The following OR10C1 variants were observed in gnomAD, a reference collection of about 807,000 sequenced individuals.
OR10C1 encodes the protein olfactory receptor 10C1.
For synonymous variants in OR10C1, 183 were observed against 174.4 expected, an observed-to-expected ratio of 1.05 and a Z score of -0.39; for missense variants, 388 against 392.1, an observed-to-expected ratio of 0.99 and a Z score of 0.09.
At position 29,440,484 on chromosome 6, in the gene OR10C1, G is replaced by A. The variant is rs1340773971; in HGVS notation, c.469G>A (p.Gly157Ser). ...GGCCTGTGGGGTGCTGGTGGGGCTGGGCCACACCCCTTTCATCTTCTCTTT... is the reference window on the plus strand; with the variant it reads ...GGCCTGTGGGGTGCTGGTGGGGCTGAGCCACACCCCTTTCATCTTCTCTTT... ...AWACGVLVGL[G>S]HTPFIFSLPF... Residue 157 changes from glycine to serine, a missense_variant, in exon 1 of 1, where the codon GGC (glycine) becomes AGC (serine). Coordinates refer to ENST00000444197, the MANE Select transcript of OR10C1 (RefSeq NM_013941.4). The A allele has an allele frequency of 6.2e-7, 1 of 1,613,434 alleles. No individual in the cohort carries two copies. The highest frequency in any genetic ancestry group is 1.7e-5 in the Admixed American group (1 of 60,034).
Position 29,440,641 on chromosome 6 carries a change from C to G in OR10C1, c.626C>G (p.Pro209Arg), listed in dbSNP as rs1452519669. 1.2e-6 allele frequency: 2 copies of G among 1,614,024 alleles called. No homozygotes were observed. The highest frequency in any genetic ancestry group is 8.5e-7 in the Non-Finnish European group (1 of 1,180,028). Residue 209 changes from proline (P) to arginine (R), a missense_variant, in exon 1 of 1, where the codon CCC becomes CGC. By Grantham distance (103) the Pro-to-Arg change is moderately radical. Coordinates refer to ENST00000444197, the MANE Select transcript of OR10C1 (RefSeq NM_013941.4). The part of the protein sequence containing the change: ...ILATALLILC[P>R]FGLILGSYGR... The stretch of plus-strand genomic sequence containing the variant: ...GCAACAGCCCTCCTCATCCTCTGCC[C>G]CTTTGGCCTCATCCTGGGCTCCTAC...
Position 29,440,061 on chromosome 6 carries a change from T to C in OR10C1, c.46T>C (p.Phe16Leu), listed in dbSNP as rs1389995389. The C allele has an allele frequency of 6.2e-7, 1 of 1,613,090 alleles. No individual in the cohort carries two copies. The change falls in exon 1 of 1, where the codon TTC becomes CTC. Residue 16 changes from phenylalanine (F) to leucine (L), a missense_variant. Transcript: ENST00000444197. ...GGTGACTGAGTTTCTTCTTCTCGGC[T>C]TCTCCCACCTGGCCGACCTCCAGGG... Reference protein sequence around the residue: ...SMVTEFLLLGFSHLADLQGLL... With the variant: ...SMVTEFLLLGLSHLADLQGLL...
rs1194141731 is a variant in OR10C1 at position 29,439,704 on chromosome 6, C to T, written c.-312C>T. 2 of 403,008 alleles carry T rather than the reference C, an allele frequency of 5.0e-6. No individual in the cohort carries two copies. Among genetic ancestry groups the T allele is most frequent in the Non-Finnish European group, 8.8e-6 (2 of 227,470 alleles). 25.0% of individuals were successfully genotyped at this position (403,008 alleles called of 1,614,324 possible). ...AAGGGAGCTAGACTGACTTAATCTT[C>T]AGCCCAGGTAAAACTGGAAAGACAG... On this transcript the variant is annotated 5_prime_UTR_variant, in exon 1 of 1. Transcript: ENST00000444197.
chr6:29,440,940 C>T lies in OR10C1; in HGVS notation c.925C>T (p.Pro309Ser). ...AAAGAGAACCATCCAGAAAACGGTG[C>T]CTATGGAGATTTGAAAAGGGGGCGA... ...ALKRTIQKTV[P>S]MEI is the part of the protein sequence containing the mutation. The change falls in exon 1 of 1, where the codon CCT becomes TCT. Residue 309 changes from proline (P) to serine (S), a missense_variant. Physicochemically the swap from Pro to Ser is moderately conservative, Grantham distance 74. Transcript: ENST00000444197. The T allele has an allele frequency of 1.2e-6, 2 of 1,607,730 alleles. No individual in the cohort carries two copies. Among genetic ancestry groups the T allele is most frequent in the East Asian group, 2.2e-5 (1 of 44,840 alleles).
chr6:29,440,717 C>T lies in OR10C1; in HGVS notation c.702C>T (p.Arg234=), dbSNP rs762597996. ...GGATCCCATCTGTTGCGGGCCGCCGCAAGGCCTTCTCCACCTGCTCCTCCC... is the reference window on the plus strand; with the variant it reads ...GGATCCCATCTGTTGCGGGCCGCCGTAAGGCCTTCTCCACCTGCTCCTCCC... ...IFRIPSVAGR[R]KAFSTCSSHL... is the part of the protein sequence containing the mutation. The change falls in exon 1 of 1, where the codon CGC becomes CGT. Residue 234 remains arginine, a synonymous_variant. Transcript: ENST00000444197. 6.2e-7 allele frequency: 1 copy of T among 1,614,118 alleles called. No homozygotes were observed. Among genetic ancestry groups the T allele is most frequent in the Non-Finnish European group, 8.5e-7 (1 of 1,179,960 alleles).
At position 29,440,414 on chromosome 6, in the gene OR10C1, G is replaced by A; in HGVS notation, c.399G>A (p.Leu133=). 4 of 1,614,078 alleles carry A rather than the reference G, an allele frequency of 2.5e-6. No homozygotes were observed. The highest frequency in any genetic ancestry group is 3.4e-6 in the Non-Finnish European group (4 of 1,180,018). The part of the protein sequence containing the change: ...AAICEPLRYP[L]LLSHRVCLQL... ...TCTGTGAACCCCTCCGCTACCCACT[G>A]CTGCTGAGCCACCGGGTGTGTCTAC... The change falls in exon 1 of 1, where the codon CTG becomes CTA. Residue 133 remains leucine (L), a synonymous_variant. Transcript: ENST00000444197.
rs553886447 is a variant in OR10C1, at chr6:29,440,648, C to T, written c.633C>T (p.Gly211=). The T allele has an allele frequency of 2.2e-5, 35 of 1,614,052 alleles. No homozygotes were observed. Among genetic ancestry groups the T allele is most frequent in the Admixed American group, 6.7e-5 (4 of 60,012 alleles). Reference sequence around the variant, plus strand: ...CCCTCCTCATCCTCTGCCCCTTTGGCCTCATCCTGGGCTCCTACGGGCGTA... The same window carrying T: ...CCCTCCTCATCCTCTGCCCCTTTGGTCTCATCCTGGGCTCCTACGGGCGTA... ...ATALLILCPF[G]LILGSYGRIL... is the part of the protein sequence containing the mutation. Residue 211 remains glycine, a synonymous_variant, in exon 1 of 1, where the codon GGC becomes GGT. Transcript: ENST00000444197.
At position 29,439,587 on chromosome 6, in the gene OR10C1, AG is replaced by A. The variant is rs1210271384; in HGVS notation, c.-427del. ...TAAGAGAGGTCACCTCTTATCAGAC[AG>A]GAGACAAGTTGATGGAGAAAAAGAT... On this transcript the variant is annotated 5_prime_UTR_variant, in exon 1 of 1. Transcript: ENST00000444197. 1 of 171,862 alleles carries A rather than the reference AG, an allele frequency of 5.8e-6. No individual in the cohort carries two copies. Among genetic ancestry groups the A allele is most frequent in the Non-Finnish European group, 1.2e-5 (1 of 81,580 alleles). 10.6% of individuals were successfully genotyped at this position (171,862 alleles called of 1,614,324 possible).
rs1783942405 is a variant in OR10C1, at chr6:29,439,724, A to G, written c.-292A>G. The stretch of plus-strand genomic sequence containing the variant: ...ATCTTCAGCCCAGGTAAAACTGGAA[A>G]GACAGTTTAACATGTTCTTTAGAAT... On this transcript the variant is annotated 5_prime_UTR_variant, in exon 1 of 1. Coordinates refer to ENST00000444197, the MANE Select transcript of OR10C1 (RefSeq NM_013941.4). 2.2e-6 allele frequency: 1 copy of G among 444,922 alleles called. No individual in the cohort carries two copies. Among genetic ancestry groups the G allele is most frequent in the Non-Finnish European group, 3.9e-6 (1 of 253,524 alleles). The allele number at this position is 444,922 out of a possible 1,614,324, so 27.6% of individuals were successfully genotyped here.
Position 29,440,971 on chromosome 6 carries a change from A to G in OR10C1, c.*17A>G. 3.3e-6 allele frequency: 5 copies of G among 1,523,272 alleles called. 1 individual carries two copies. The highest frequency in any genetic ancestry group is 4.5e-6 in the Non-Finnish European group (5 of 1,108,778). 94.4% of individuals were successfully genotyped at this position (1,523,272 alleles called of 1,614,324 possible). On this transcript the variant is annotated 3_prime_UTR_variant, in exon 1 of 1. Transcript: ENST00000444197. The stretch of plus-strand genomic sequence containing the variant: ...GAGATTTGAAAAGGGGGCGATAGTG[A>G]CTTCTGTGCAGTGCTCTGAGTCAGT...
At position 29,440,961 on chromosome 6, in the gene OR10C1, G is replaced by A. The variant is rs1784133966; in HGVS notation, c.*7G>A. 3.8e-6 allele frequency: 6 copies of A among 1,577,888 alleles called. No individual in the cohort carries two copies. The highest frequency in any genetic ancestry group is 5.2e-6 in the Non-Finnish European group (6 of 1,155,150). On this transcript the variant is annotated 3_prime_UTR_variant, in exon 1 of 1. Coordinates refer to ENST00000444197, the MANE Select transcript of OR10C1 (RefSeq NM_013941.4). ...GGTGCCTATGGAGATTTGAAAAGGGGGCGATAGTGACTTCTGTGCAGTGCT... is the reference window on the plus strand; with the variant it reads ...GGTGCCTATGGAGATTTGAAAAGGGAGCGATAGTGACTTCTGTGCAGTGCT...
In OR10C1 at chr6:29,439,315, G is replaced by A. The variant is rs554750060; in HGVS notation, c.-701G>A. ...GAAAGTCTGTAAGATGCAGAAATAA[G>A]CAATTAAGGAAGTTCTTGTCATCTT... On this transcript the variant is annotated 5_prime_UTR_variant, in exon 1 of 1. Coordinates refer to ENST00000444197, the MANE Select transcript of OR10C1 (RefSeq NM_013941.4). 1.3e-5 allele frequency: 2 copies of A among 152,320 alleles called. No individual in the cohort carries two copies. Among genetic ancestry groups the A allele is most frequent in the South Asian group, 4.1e-4 (2 of 4,834 alleles). 9.4% of individuals were successfully genotyped at this position (152,320 alleles called of 1,614,324 possible). A position where few individuals can be genotyped will look rare whatever the true frequency, so the allele number is the denominator to read the frequency against.
In OR10C1 at chr6:29,440,119, T is replaced by C. The variant is rs1180505864; in HGVS notation, c.104T>C (p.Leu35Pro). 1.2e-6 allele frequency: 2 copies of C among 1,613,406 alleles called. No individual in the cohort carries two copies. Among genetic ancestry groups the C allele is most frequent in the South Asian group, 2.2e-5 (2 of 91,082 alleles). ...LLFSVFLTIY[L>P]LTVAGNFLIV... is the part of the protein sequence containing the mutation. ...TTCTCTGTCTTTCTCACTATCTACC[T>C]GCTGACCGTGGCAGGCAATTTCCTC... The change falls in exon 1 of 1, where the codon CTG becomes CCG. Residue 35 changes from leucine (L) to proline (P), a missense_variant. Coordinates refer to ENST00000444197, the MANE Select transcript of OR10C1 (RefSeq NM_013941.4).
In OR10C1 at chr6:29,439,980, T is replaced by C; in HGVS notation, c.-36T>C. 6.4e-7 allele frequency: 1 copy of C among 1,552,696 alleles called. No individual in the cohort carries two copies. Among genetic ancestry groups the C allele is most frequent in the Non-Finnish European group, 8.8e-7 (1 of 1,134,678 alleles). ...CCATAGTTGTGATTTTTCCTTGCCA[T>C]TTCTTTTGTCTTCCAGTCAAAGGTA... is the stretch of plus-strand genomic sequence containing the variant. On this transcript the variant is annotated 5_prime_UTR_variant, in exon 1 of 1. Coordinates refer to ENST00000444197, the MANE Select transcript of OR10C1 (RefSeq NM_013941.4).
Position 29,440,576 on chromosome 6 carries a change from A to G in OR10C1, c.561A>G (p.Val187=), listed in dbSNP as rs1464593661. The change falls in exon 1 of 1, where the codon GTA becomes GTG. Residue 187 remains valine (V), a synonymous_variant. Coordinates refer to ENST00000444197, the MANE Select transcript of OR10C1 (RefSeq NM_013941.4). ...AGATCCAGCCTGTCCTGCAGCTGGT[A>G]TGTGGAGACACCTCGCTTAATGAAC... ...FCEIQPVLQL[V]CGDTSLNELQ... 6.2e-7 allele frequency: 1 copy of G among 1,613,810 alleles called. No homozygotes were observed. Among genetic ancestry groups the G allele is most frequent in the South Asian group, 1.1e-5 (1 of 91,080 alleles).
Position 29,439,665 on chromosome 6 carries a change from C to T in OR10C1, c.-351C>T. 3.8e-6 allele frequency: 1 copy of T among 265,670 alleles called. No homozygotes were observed. The highest frequency in any genetic ancestry group is 7.0e-6 in the Non-Finnish European group (1 of 141,866). 16.5% of individuals were successfully genotyped at this position (265,670 alleles called of 1,614,324 possible). ...AGCCCTGCAGGAAGAATTGGAAAAT[C>T]AGAAAAGAGTGAAAAGGGAGCTAGA... is the stretch of plus-strand genomic sequence containing the variant. On this transcript the variant is annotated 5_prime_UTR_variant, in exon 1 of 1. Transcript: ENST00000444197.
In OR10C1 at chr6:29,440,811, G is replaced by T; in HGVS notation, c.796G>T (p.Asp266Tyr). Reference protein sequence around the residue: ...FIYIRPKASYDPATDPLVSLF... With the variant: ...FIYIRPKASYYPATDPLVSLF... Reference sequence around the variant, plus strand: ...CTATATTCGCCCTAAGGCCAGCTACGATCCGGCCACTGACCCTCTGGTGTC... The same window carrying T: ...CTATATTCGCCCTAAGGCCAGCTACTATCCGGCCACTGACCCTCTGGTGTC... The change falls in exon 1 of 1, where the codon GAT (aspartate) becomes TAT (tyrosine). Residue 266 changes from aspartate (D) to tyrosine (Y), a missense_variant. Asp to Tyr is a radical substitution (Grantham distance 160, BLOSUM62 -3). Coordinates refer to ENST00000444197, the MANE Select transcript of OR10C1 (RefSeq NM_013941.4). 6.2e-7 allele frequency: 1 copy of T among 1,613,978 alleles called. No individual in the cohort carries two copies. Among genetic ancestry groups the T allele is most frequent in the Non-Finnish European group, 8.5e-7 (1 of 1,179,918 alleles).
Position 29,440,068 on chromosome 6 carries a change from A to T in OR10C1, c.53A>T (p.His18Leu), listed in dbSNP as rs201974368. ...GAGTTTCTTCTTCTCGGCTTCTCCCACCTGGCCGACCTCCAGGGCTTGCTC... is the reference window on the plus strand; with the variant it reads ...GAGTTTCTTCTTCTCGGCTTCTCCCTCCTGGCCGACCTCCAGGGCTTGCTC... ...VTEFLLLGFS[H>L]LADLQGLLFS... Residue 18 changes from histidine (H) to leucine (L), a missense_variant, in exon 1 of 1, where the codon CAC becomes CTC. Physicochemically the swap from His to Leu is moderately conservative, Grantham distance 99 (BLOSUM62 -3). Transcript: ENST00000444197. 1,652 of 1,613,090 alleles carry T rather than the reference A, an allele frequency of 1.0e-3. 18 individuals carry two copies. In the South Asian group the frequency reaches 0.016, roughly 15 times the overall value.
Position 29,440,292 on chromosome 6 carries a change from C to G in OR10C1, c.277C>G (p.Arg93Gly). The change falls in exon 1 of 1, where the codon CGC becomes GGC. Residue 93 changes from arginine to glycine, a missense_variant. Physicochemically the swap from Arg to Gly is moderately radical, Grantham distance 125 (BLOSUM62 -2). Transcript: ENST00000444197. ...CCTTACTGGCCGGCGCCACATCTCT[C>G]GCTCTGGATGTGCTCTCCAGATGTT... ...HLLTGRRHIS[R>G]SGCALQMFFF... 6.2e-7 allele frequency: 1 copy of G among 1,614,074 alleles called. No individual in the cohort carries two copies. Among genetic ancestry groups the G allele is most frequent in the Non-Finnish European group, 8.5e-7 (1 of 1,180,042 alleles).
Sources: gnomAD v4.1 joint callset for allele counts on GRCh38, gnomAD v4.1.1 for gene constraint, MANE v1.5 for transcripts, NCBI Gene and HGNC (gene_info 2026-07-23, HGNC 2026-07-21) for gene names.